Variants in MUC12 observed in about 807,000 individuals in gnomAD.
MUC12 encodes the protein mucin-12.
Under a neutral mutation model 230.8 loss-of-function variants are expected in MUC12, and 172 were observed. That is an observed-to-expected ratio of 0.75 (90% CI 0.66 to 0.85). MUC12 has a LOEUF of 0.85. Ranked by LOEUF, MUC12 falls within the 40% of genes least tolerant of loss-of-function variation. The pLI is 0.00. For missense variants in MUC12, 3,506 were observed against 5,920.6 expected, an observed-to-expected ratio of 0.59 and a Z score of 13.38; for synonymous variants, 1,259 against 2,401.9, an observed-to-expected ratio of 0.52 and a Z score of 13.91.
At chr7:101,014,766 C>A (rs1440626447) in intron 9 of MUC12, among the ~76,000 whole-genome samples, 1 of 149,700 alleles carries the variant, frequency 6.7e-6, no homozygotes, top group Non-Finnish European at 1.5e-5. Flanking sequence ...GTGTGAGCCA[C>A]CGTGCCCGGC....
At chr7:101,012,518 T>C in intron 6 of MUC12, 71 bp downstream of exon 6, 3 of 1,445,058 alleles carry the variant, frequency 2.1e-6, no homozygotes, top group Non-Finnish European at 2.8e-6. Context: ...CTCCCTCCTC[T>C]ACGTCTTCTT....
rs535373112 is a variant in MUC12 at position 100,991,923 on chromosome 7, G to C, written c.1360G>C (p.Ala454Pro). 49 of 1,537,264 alleles carry C rather than the reference G, an allele frequency of 3.2e-5. No homozygotes were observed. The highest frequency in any genetic ancestry group is 4.0e-5 in the Non-Finnish European group (46 of 1,146,924). Residue 454 changes from alanine to proline, a missense_variant, in exon 2 of 12, where the codon GCC becomes CCC. Coordinates refer to ENST00000536621, the MANE Select transcript of MUC12 (RefSeq NM_001164462.2). ...TGCAATGGCAACAACAGTCTTACCT[G>C]CCGGCTCTACACCCTCAGTTCTTGT... ...PDAMATTVLP[A>P]GSTPSVLVGD...
At chr7:101,018,473 C>T (rs1793992204) in intron 11 of MUC12, 122 bp from the exon 12 acceptor site, 2 of 721,060 alleles carry the variant, frequency 2.8e-6, no homozygotes, top group Admixed American at 2.2e-5. Flanking sequence ...CCCTCCCTCC[C>T]CCTGGGACTC....
Position 100,969,707 on chromosome 7 carries a change from G to A in MUC12, c.67+18G>A. 6.5e-7 allele frequency: 1 copy of A among 1,537,390 alleles called. No individual in the cohort carries two copies. The highest frequency in any genetic ancestry group is 8.7e-7 in the Non-Finnish European group (1 of 1,146,894). On this transcript the variant is annotated intron_variant, in intron 1 of 11. Transcript: ENST00000536621. ...GACACCAGGTGAGTGCTCCTGGGCTGATGCTCCAGGTCCAGTGCTCCTGGG... is the reference window on the plus strand; with the variant it reads ...GACACCAGGTGAGTGCTCCTGGGCTAATGCTCCAGGTCCAGTGCTCCTGGG...
chr7:100,972,114 G>A (rs1233850890), intron 1 of MUC12: 2 of 703,376 alleles, frequency 2.8e-6, no homozygotes, highest in East Asian at 2.7e-5. Flanking sequence ...CCCTCCTCTT[G>A]CAGAGGGCTC....
At position 100,991,195 on chromosome 7, in the gene MUC12, C is replaced by G. The variant is rs6980143; in HGVS notation, c.632C>G (p.Thr211Ser). 905,421 of 1,537,318 alleles carry G rather than the reference C, an allele frequency of 0.59. 269,400 individuals carry two copies. Among genetic ancestry groups the G allele is most frequent in the East Asian group, 0.8 (32,793 of 40,884 alleles). The part of the protein sequence containing the change: ...GSTDTTLSPG[T>S]TTPSSLGPES... ...ACAGACACAACACTGTCCCCTGGCACTACCACACCATCATCCCTTGGTCCA... is the reference window on the plus strand; with the variant it reads ...ACAGACACAACACTGTCCCCTGGCAGTACCACACCATCATCCCTTGGTCCA... The change falls in exon 2 of 12, where the codon ACT becomes AGT. Residue 211 changes from threonine to serine, a missense_variant. Transcript: ENST00000536621.
In MUC12 at chr7:100,992,361, G is replaced by C; in HGVS notation, c.1798G>C (p.Gly600Arg). 1.3e-6 allele frequency: 2 copies of C among 1,536,650 alleles called. No homozygotes were observed. Among genetic ancestry groups the C allele is most frequent in the Non-Finnish European group, 1.7e-6 (2 of 1,146,020 alleles). Residue 600 changes from glycine to arginine, a missense_variant, in exon 2 of 12, where the codon GGA becomes CGA. Physicochemically the swap from Gly to Arg is moderately radical, Grantham distance 125 (BLOSUM62 -2). Transcript: ENST00000536621. ...CTTACCTGACAACACCACAGCCTCA[G>C]GACTCCTTGAAGCATCTATGCCCGT... Reference protein sequence around the residue: ...TLLPDNTTASGLLEASMPVHS... With the variant: ...TLLPDNTTASRLLEASMPVHS...
At position 101,004,522 on chromosome 7, in the gene MUC12, A is replaced by G. The variant is rs1424088464; in HGVS notation, c.13959A>G (p.Glu4653=). The change falls in exon 2 of 12, where the codon GAA becomes GAG. Residue 4653 remains glutamate (E), a synonymous_variant. Transcript: ENST00000536621. ...SPPSTTSALV[E]EPTSYHSSPG... is the part of the protein sequence containing the mutation. ...CTAGCACCACATCTGCCCTTGTTGA[A>G]GAACCTACCAGCTACCACAGCAGCC... 4 of 1,535,840 alleles carry G rather than the reference A, an allele frequency of 2.6e-6. No individual in the cohort carries two copies. The South Asian group carries it at 4.8e-5, about 18-fold the overall frequency.
At position 100,995,769 on chromosome 7, in the gene MUC12, G is replaced by C. The variant is rs1481467653; in HGVS notation, c.5206G>C (p.Gly1736Arg). The C allele has an allele frequency of 5.2e-6, 8 of 1,529,558 alleles. No homozygotes were observed. The highest frequency in any genetic ancestry group is 1.2e-5 in the South Asian group (1 of 83,614). 94.7% of individuals were successfully genotyped at this position (1,529,558 alleles called of 1,614,324 possible). A position where few individuals can be genotyped will look rare whatever the true frequency, so the allele number is the denominator to read the frequency against. ...CTTTTCTGCCAGCTCCACAACCTTG[G>C]GCCGTAGTGAGGAATCGACAACAGT... is the stretch of plus-strand genomic sequence containing the variant. ...THFSASSTTL[G>R]RSEESTTVHS... is the part of the protein sequence containing the mutation. Residue 1736 changes from glycine to arginine, a missense_variant, in exon 2 of 12, where the codon GGC (glycine) becomes CGC (arginine). Physicochemically the swap from Gly to Arg is moderately radical, Grantham distance 125. Coordinates refer to ENST00000536621, the MANE Select transcript of MUC12 (RefSeq NM_001164462.2).
At chr7:100,974,724 C>G (rs894889051) in intron 1 of MUC12, among the ~76,000 whole-genome samples, 1 of 152,294 alleles carries the variant, frequency 6.6e-6, no homozygotes, top group Non-Finnish European at 1.5e-5. Flanking sequence ...ACTTGGGAGG[C>G]TGAGATAGGA....
At chr7:100,971,016 C>T (rs1792870827) in intron 1 of MUC12, among the ~76,000 whole-genome samples, 1 of 151,874 alleles carries the variant, frequency 6.6e-6, no homozygotes, top group Non-Finnish European at 1.5e-5. Flanking sequence ...ATTAGCTGGG[C>T]ATGGTGGCAC....
At chr7:101,018,487 C>G (rs1793992909) in intron 11 of MUC12, 108 bp from the exon 12 acceptor site, 1 of 857,204 alleles carries the variant, frequency 1.2e-6, no homozygotes, top group East Asian at 3.0e-5. Flanking sequence ...GGGACTCCCT[C>G]CCTCCCCCTG....
chr7:100,987,630 T>G (rs944039786), intron 1 of MUC12, among the ~76,000 whole-genome samples: 1 of 152,210 alleles, frequency 6.6e-6, no homozygotes, highest in Non-Finnish European at 1.5e-5. Flanking sequence ...GACCATCCCC[T>G]TGGTGATGAG....
At chr7:101,015,947 T>C (rs1012010122) in intron 10 of MUC12, among the ~76,000 whole-genome samples, 1 of 152,052 alleles carries the variant, frequency 6.6e-6, no homozygotes, top group African/African-American at 2.4e-5. Context: ...CACACTCAGC[T>C]AAGCGGGGTG....
At chr7:100,981,265 C>T in intron 1 of MUC12, 1 of 427,152 alleles carries the variant, frequency 2.3e-6, no homozygotes, top group Non-Finnish European at 4.1e-6. Flanking sequence ...GACCGCCGCA[C>T]TTGCTCTGTG....
intron 1 of MUC12, 32 bp downstream of exon 1, chr7:100,969,721 A>G (rs1400742390): frequency 6.5e-7 from 1 of 1,537,362 alleles, no homozygotes; most frequent in Non-Finnish European, 8.7e-7. Flanking sequence ...CTCCAGGTCC[A>G]GTGCTCCTGG....
intron 1 of MUC12, among the ~76,000 whole-genome samples, chr7:100,986,559 T>C (rs1220109109): frequency 6.6e-6 from 1 of 152,162 alleles, no homozygotes; most frequent in East Asian, 1.9e-4. Flanking sequence ...CACTGATCAA[T>C]GATTTGATAG....
chr7:100,988,037 C>T (rs1013152664), intron 1 of MUC12, among the ~76,000 whole-genome samples: 2 of 151,008 alleles, frequency 1.3e-5, no homozygotes, highest in African/African-American at 2.4e-5. Flanking sequence ...TGGTGGCTCA[C>T]GCCTGTAATC....
At position 101,013,944 on chromosome 7, in the gene MUC12, G is replaced by C; in HGVS notation, c.15670G>C (p.Gly5224Arg). The part of the protein sequence containing the change: ...CPNTNTHWYW[G>R]ETCEFNIAKS... ...AAATACGAACACACACTGGTACTGG[G>C]GAGAGACCTGTGAATTCAACATCGC... Residue 5224 changes from glycine to arginine, a missense_variant, in exon 9 of 12, where the codon GGA (glycine) becomes CGA (arginine). Gly to Arg is a moderately radical substitution (Grantham distance 125). Transcript: ENST00000536621. 6.5e-7 allele frequency: 1 copy of C among 1,536,936 alleles called. No individual in the cohort carries two copies. Among genetic ancestry groups the C allele is most frequent in the Non-Finnish European group, 8.7e-7 (1 of 1,146,744 alleles).
Sources: gnomAD v4.1 joint callset for allele counts (sites outside exome capture counted in the v4.1 genomes callset) on GRCh38, gnomAD v4.1.1 for gene constraint, MANE v1.5 for transcripts, NCBI Gene and HGNC (gene_info 2026-07-23, HGNC 2026-07-21) for gene names.